Variants in RCOR1 observed in about 807,000 individuals in gnomAD.
RCOR1 encodes the protein REST corepressor 1.
A neutral mutation model predicts 64.0 loss-of-function variants in RCOR1; 12 were observed. That is an observed-to-expected ratio of 0.19 (90% CI 0.12 to 0.30). The LOEUF is 0.30. Ranked by LOEUF, RCOR1 falls within the 10% of genes least tolerant of loss-of-function variation. The pLI is 1.00. For synonymous variants in RCOR1, 279 were observed against 227.2 expected (o/e 1.23, Z -2.05); for missense variants, 502 against 621.2 (o/e 0.81, Z 2.04).
At chr14:102,637,150 G>A (rs1226475807) in intron 2 of RCOR1, among the ~76,000 whole-genome samples, 3 of 145,508 alleles carry the variant, frequency 2.1e-5, no homozygotes, top group African/African-American at 7.6e-5. Flanking sequence ...TTTTTGAGAC[G>A]GAGTCTTACT....
intron 2 of RCOR1, among the ~76,000 whole-genome samples, chr14:102,614,311 G>A (rs1363656011): frequency 2.1e-5 from 3 of 145,568 alleles, no homozygotes; most frequent in African/African-American, 2.6e-5. Flanking sequence ...TGCAAGCTCC[G>A]CTTCCTGGAT....
At chr14:102,714,016 G>A (rs933257708) in intron 7 of RCOR1, among the ~76,000 whole-genome samples, 6 of 152,144 alleles carry the variant, frequency 3.9e-5, no homozygotes, top group South Asian at 2.1e-4. Context: ...ATAAGTTGCC[G>A]TAAAAATTGT....
intron 3 of RCOR1, among the ~76,000 whole-genome samples, chr14:102,700,738 G>C (rs1283912270): frequency 6.6e-6 from 1 of 152,184 alleles, no homozygotes; most frequent in Admixed American, 6.5e-5. Flanking sequence ...TCATTCAGAC[G>C]TTTCTCTGCA....
chr14:102,634,663 TAC>T (rs201296167), intron 2 of RCOR1, among the ~76,000 whole-genome samples: 1,854 of 150,378 alleles, frequency 0.012, 39 homozygotes, highest in African/African-American at 0.043. Context: ...TATATATATA[TAC>T]ACACACACGT....
At chr14:102,685,148 A>G (rs1267768609) in intron 3 of RCOR1, among the ~76,000 whole-genome samples, 1 of 152,022 alleles carries the variant, frequency 6.6e-6, no homozygotes, top group African/African-American at 2.4e-5. Context: ...GAAAGCTTAT[A>G]AAGTTATGTT....
chr14:102,690,620 C>T (rs532478163), intron 3 of RCOR1, among the ~76,000 whole-genome samples: 2 of 152,122 alleles, frequency 1.3e-5, no homozygotes, highest in African/African-American at 4.8e-5. Context: ...AATAATAACA[C>T]AAAAAAAGAA....
chr14:102,677,353 T>A, intron 2 of RCOR1, among the ~76,000 whole-genome samples: 2 of 121,830 alleles, frequency 1.6e-5, no homozygotes, highest in South Asian at 2.8e-4. Flanking sequence ...CCCCCCCACC[T>A]CCCTCCCGGA....
intron 2 of RCOR1, among the ~76,000 whole-genome samples, chr14:102,673,011 A>G (rs1229824605): frequency 6.6e-6 from 1 of 152,198 alleles, no homozygotes; most frequent in East Asian, 1.9e-4. Flanking sequence ...GTTTCTCACA[A>G]TGTACACAAA....
chr14:102,677,161 A>ACC (rs761975506), intron 2 of RCOR1, among the ~76,000 whole-genome samples: 7 of 63,754 alleles, frequency 1.1e-4, no homozygotes, highest in African/African-American at 2.6e-4. Flanking sequence ...CGGGGGGCTG[A>ACC]CCCCCCCCCA....
chr14:102,675,472 TA>T (rs1338021520), intron 2 of RCOR1, among the ~76,000 whole-genome samples: 2 of 152,126 alleles, frequency 1.3e-5, no homozygotes, highest in African/African-American at 4.8e-5. Context: ...GGGCTGTTAG[TA>T]AGTAAAATAC....
intron 2 of RCOR1, among the ~76,000 whole-genome samples, chr14:102,654,044 G>T (rs1275087959): frequency 2.2e-5 from 3 of 137,420 alleles, no homozygotes; most frequent in Non-Finnish European, 4.6e-5. Context: ...GGAGTGCAGT[G>T]GTGCGATCTC....
At chr14:102,623,807 A>G (rs991488160) in intron 2 of RCOR1, among the ~76,000 whole-genome samples, 2 of 151,728 alleles carry the variant, frequency 1.3e-5, no homozygotes, top group Non-Finnish European at 2.9e-5. Context: ...CTGTAATCCC[A>G]GCAGTTTGGG....
intron 3 of RCOR1, among the ~76,000 whole-genome samples, chr14:102,686,268 T>C (rs368789481): frequency 1.3e-5 from 2 of 152,208 alleles, no homozygotes; most frequent in Admixed American, 6.5e-5. Flanking sequence ...TTTTCTTGTT[T>C]AAAATAGATT....
At chr14:102,624,891 C>G (rs1893950282) in intron 2 of RCOR1, among the ~76,000 whole-genome samples, 1 of 151,934 alleles carries the variant, frequency 6.6e-6, no homozygotes, top group African/African-American at 2.4e-5. Context: ...TTTGTTTTTT[C>G]TGGAAGTCTT....
intron 2 of RCOR1, among the ~76,000 whole-genome samples, chr14:102,678,620 C>T (rs1401939228): frequency 1.3e-5 from 2 of 152,084 alleles, no homozygotes; most frequent in African/African-American, 4.8e-5. Flanking sequence ...TGAACATATG[C>T]TAATTCTGTA....
chr14:102,657,481 A>C (rs1468763968), intron 2 of RCOR1: 4 of 983,898 alleles, frequency 4.1e-6, no homozygotes, highest in Admixed American at 6.2e-5. Context: ...TTGATATTAG[A>C]GATTTTGGTT....
chr14:102,703,895 T>G (rs958276021), intron 4 of RCOR1, among the ~76,000 whole-genome samples: 1 of 152,256 alleles, frequency 6.6e-6, no homozygotes, highest in African/African-American at 2.4e-5. Flanking sequence ...CAACCCATTC[T>G]TCTTCACCTC....
At chr14:102,689,633 A>G (rs1895492539) in intron 3 of RCOR1, among the ~76,000 whole-genome samples, 1 of 152,206 alleles carries the variant, frequency 6.6e-6, no homozygotes, top group African/African-American at 2.4e-5. Flanking sequence ...AAGTGTTTGC[A>G]TTTTGGGTTT....
chr14:102,620,377 G>C (rs1893850233), intron 2 of RCOR1, among the ~76,000 whole-genome samples: 2 of 107,226 alleles, frequency 1.9e-5, no homozygotes, highest in Admixed American at 2.0e-4. Flanking sequence ...ATACCAGCCT[G>C]ACCAACATGG....
Sources: allele counts gnomAD v4.1 joint callset (sites outside exome capture counted in the v4.1 genomes callset), GRCh38; gene constraint gnomAD v4.1.1; transcripts MANE v1.5; gene names NCBI Gene and HGNC (gene_info 2026-07-23, HGNC 2026-07-21).